TEAD1: variants seen among roughly 807,000 people sequenced by gnomAD.
The protein encoded by TEAD1 is transcriptional enhancer factor TEF-1.
TEAD1 carries 9 observed loss-of-function variants against 54.9 expected under a neutral mutation model. That is an observed-to-expected ratio of 0.16 (90% CI 0.10 to 0.29). The LOEUF is 0.29. Among genes scored for constraint, TEAD1 ranks in the 10% least tolerant of loss-of-function variants. The pLI, the probability that TEAD1 is intolerant of heterozygous loss-of-function variation, is 1.00. For synonymous variants in TEAD1, 200 were observed against 187.8 expected (o/e 1.07, Z -0.53); for missense variants, 387 against 535.9 (o/e 0.72, Z 2.74).
At chr11:12,778,214 A>G (rs1945469860) in intron 3 of TEAD1, among the ~76,000 whole-genome samples, 1 of 152,206 alleles carries the variant, frequency 6.6e-6, no homozygotes, top group Non-Finnish European at 1.5e-5. Context: ...ATATTTAATC[A>G]TGAAAGTAGT....
chr11:12,737,219 C>T (rs3890064), intron 2 of TEAD1, among the ~76,000 whole-genome samples: 1 of 151,220 alleles, frequency 6.6e-6, no homozygotes, highest in Non-Finnish European at 1.5e-5. Flanking sequence ...CTTACCTAGC[C>T]CAAGTTAAAA....
intron 3 of TEAD1, among the ~76,000 whole-genome samples, chr11:12,771,888 A>G (rs1458399698): frequency 6.6e-6 from 1 of 152,226 alleles, no homozygotes; most frequent in Admixed American, 6.5e-5. Flanking sequence ...AGTGGTTCCC[A>G]AGGCTCACTA....
intron 9 of TEAD1, among the ~76,000 whole-genome samples, chr11:12,898,732 G>A (rs1948366176): frequency 6.6e-6 from 1 of 152,158 alleles, no homozygotes; most frequent in Non-Finnish European, 1.5e-5. Flanking sequence ...CCTATGCCAA[G>A]CACCTTCTGA....
chr11:12,883,506 A>G (rs989916267), intron 9 of TEAD1, among the ~76,000 whole-genome samples: 1 of 152,186 alleles, frequency 6.6e-6, no homozygotes, highest in Non-Finnish European at 1.5e-5. Context: ...TCATCCTCAT[A>G]AAAACCCTAG....
intron 3 of TEAD1, among the ~76,000 whole-genome samples, chr11:12,792,861 G>T (rs905065208): frequency 1.3e-5 from 2 of 152,152 alleles, no homozygotes; most frequent in Non-Finnish European, 2.9e-5. Context: ...TTTGAGACCA[G>T]CCTGGGCAAC....
chr11:12,851,448 A>C (rs571187848), intron 3 of TEAD1, among the ~76,000 whole-genome samples: 5 of 152,212 alleles, frequency 3.3e-5, no homozygotes, highest in Non-Finnish European at 7.3e-5. Flanking sequence ...TATTATCTAT[A>C]TGTATCTCAA....
rs984064866 is a variant in TEAD1, at chr11:12,940,688, T to C, written c.*3466T>C. ...ACCTGTTTAAAGAGTGTTTCTGATT[T>C]GACCTTCATCCCTTAGTTTACTGGC... On this transcript the variant is annotated 3_prime_UTR_variant, in exon 13 of 13. Coordinates refer to ENST00000527636, the MANE Select transcript of TEAD1 (RefSeq NM_021961.6). The C allele has an allele frequency of 2.6e-5, 4 of 152,208 alleles. No individual in the cohort carries two copies. The highest frequency in any genetic ancestry group is 9.7e-5 in the African/African-American group (4 of 41,446). 9.4% of individuals were successfully genotyped at this position (152,208 alleles called of 1,614,324 possible).
intron 10 of TEAD1, 138 bp downstream of exon 10, chr11:12,902,251 CACGGA>C (rs1206063329): frequency 8.6e-7 from 1 of 1,164,174 alleles, no homozygotes; most frequent in Non-Finnish European, 1.3e-6. Context: ...GCCAAGGGAG[CACGGA>C]CTCACACCTG....
intron 3 of TEAD1, among the ~76,000 whole-genome samples, chr11:12,770,688 C>T (rs764750438): frequency 6.6e-6 from 1 of 152,096 alleles, no homozygotes; most frequent in Non-Finnish European, 1.5e-5. Context: ...AGTAAATAAG[C>T]TGTGGAGCTG....
In TEAD1 at chr11:12,679,755, T is replaced by C. The variant is rs553783169; in HGVS notation, c.-55+4194T>C. Among the ~76,000 whole-genome samples the C allele has an allele frequency of 2.6e-5, 4 of 152,350 alleles. No homozygotes were observed. The South Asian group carries it at 8.3e-4, about 32-fold the overall frequency. On this transcript the variant is annotated intron_variant, in intron 2 of 12. Coordinates refer to ENST00000527636, the MANE Select transcript of TEAD1 (RefSeq NM_021961.6). The stretch of plus-strand genomic sequence containing the variant: ...AATTTAACTTGAAAGGGGATTTTTT[T>C]TTTTAAACTTGGAATGTTTAAGAAA...
chr11:12,870,886 CA>C (rs1001990567), intron 5 of TEAD1, among the ~76,000 whole-genome samples: 2 of 150,218 alleles, frequency 1.3e-5, no homozygotes, highest in Non-Finnish European at 3.0e-5. Context: ...ACTCTGTCTC[CA>C]AAAAAAAGAA....
At chr11:12,908,909 C>T (rs1313160495) in intron 10 of TEAD1, among the ~76,000 whole-genome samples, 22 of 85,072 alleles carry the variant, frequency 2.6e-4, no homozygotes, top group African/African-American at 1.0e-3. Context: ...GACAGTGTTG[C>T]TCTGCTGCCC....
At chr11:12,863,996 T>C (rs1272584463) in intron 4 of TEAD1, among the ~76,000 whole-genome samples, 3 of 151,980 alleles carry the variant, frequency 2.0e-5, no homozygotes, top group Non-Finnish European at 4.4e-5. Context: ...CATTTCGCTT[T>C]GTAATAATAT....
intron 2 of TEAD1, 58 bp from the exon 3 acceptor site, chr11:12,764,121 A>G (rs1346406945): frequency 9.1e-7 from 1 of 1,103,808 alleles, no homozygotes; most frequent in East Asian, 2.4e-5. Flanking sequence ...TAGAGCTAGC[A>G]AGAGCATTAT....
intron 3 of TEAD1, among the ~76,000 whole-genome samples, chr11:12,852,675 T>G (rs1362466008): frequency 6.6e-6 from 1 of 152,142 alleles, no homozygotes; most frequent in East Asian, 1.9e-4. Context: ...CTCAAACTCC[T>G]GACCTCAAGT....
At position 12,881,909 on chromosome 11, in the gene TEAD1, G is replaced by T. The variant is rs1447277884; in HGVS notation, c.526G>T (p.Val176Leu). Residue 176 changes from valine (V) to leucine (L), a missense_variant, in exon 8 of 13, where the codon GTG (valine) becomes TTG (leucine). Transcript: ENST00000527636. ...CTCTGTTCCCAGCGTCAAGCCTTTT[G>T]TGCAGCAGGCCTACCCCATCCAGCC... The T allele has an allele frequency of 4.3e-6, 7 of 1,614,194 alleles. No homozygotes were observed. Among genetic ancestry groups the T allele is most frequent in the Non-Finnish European group, 5.9e-6 (7 of 1,180,028 alleles).
intron 2 of TEAD1, among the ~76,000 whole-genome samples, chr11:12,729,632 A>G (rs1160322190): frequency 1.3e-5 from 2 of 152,218 alleles, no homozygotes; most frequent in Non-Finnish European, 2.9e-5. Context: ...GGTATGATAA[A>G]TGGTCAGGAG....
At position 12,942,665 on chromosome 11, in the gene TEAD1, A is replaced by T. The variant is rs1949172679; in HGVS notation, c.*5443A>T. ...CAGTGCGCACTTATCTGGTTTACAC[A>T]ATGATACCATTTTGAAAGTTGGAAG... On this transcript the variant is annotated 3_prime_UTR_variant, in exon 13 of 13. Coordinates refer to ENST00000527636, the MANE Select transcript of TEAD1 (RefSeq NM_021961.6). 6.6e-6 allele frequency: 1 copy of T among 152,206 alleles called. No homozygotes were observed. The allele number at this position is 152,206 out of a possible 1,614,324, so 9.4% of individuals were successfully genotyped here.
At chr11:12,743,492 C>T (rs1944686550) in intron 2 of TEAD1, among the ~76,000 whole-genome samples, 1 of 152,148 alleles carries the variant, frequency 6.6e-6, no homozygotes, top group African/African-American at 2.4e-5. Context: ...AGTATTAGAA[C>T]TAGGTTCATG....
Sources: allele counts gnomAD v4.1 joint callset (sites outside exome capture counted in the v4.1 genomes callset), GRCh38; gene constraint gnomAD v4.1.1; transcripts MANE v1.5; gene names NCBI Gene and HGNC (gene_info 2026-07-23, HGNC 2026-07-21).